Variants in IQCM observed in about 807,000 individuals in gnomAD.
IQCM encodes the protein IQ domain-containing protein M.
Under a neutral mutation model 57.6 loss-of-function variants are expected in IQCM, and 45 were observed. The ratio of observed to expected loss-of-function variants is 0.78; its 90% CI spans 0.62 to 1.00. IQCM has a LOEUF of 1.00. Among genes scored for constraint, IQCM ranks in the 50% least tolerant of loss-of-function variants. The pLI is 0.00. For missense variants in IQCM, 468 were observed against 511.6 expected (o/e 0.91, Z 0.82); for synonymous variants, 148 against 158.9 (o/e 0.93, Z 0.51).
At chr4:149,605,188 T>C (rs889129547) in intron 8 of IQCM, among the ~76,000 whole-genome samples, 3 of 152,188 alleles carry the variant, frequency 2.0e-5, no homozygotes, top group Non-Finnish European at 4.4e-5. Flanking sequence ...GCTTCTACAG[T>C]ACAGAAAGAA....
intron 13 of IQCM, among the ~76,000 whole-genome samples, chr4:149,371,642 C>T (rs1730376138): frequency 6.6e-6 from 1 of 152,122 alleles, no homozygotes; most frequent in Non-Finnish European, 1.5e-5. Flanking sequence ...TTAGTCAATA[C>T]CTCTTTATCA....
At chr4:149,460,060 C>T (rs1334045334) in intron 12 of IQCM, among the ~76,000 whole-genome samples, 1 of 152,128 alleles carries the variant, frequency 6.6e-6, no homozygotes, top group Non-Finnish European at 1.5e-5. Context: ...TCCAATTTCT[C>T]CACATCTTCA....
At chr4:149,667,882 G>T (rs1760877319) in intron 7 of IQCM, among the ~76,000 whole-genome samples, 1 of 151,730 alleles carries the variant, frequency 6.6e-6, no homozygotes, top group Non-Finnish European at 1.5e-5. Flanking sequence ...GATTAGAGAA[G>T]AATGAAAAGG....
In IQCM at chr4:149,707,768, T is replaced by C. The variant is rs1455329966; in HGVS notation, c.386-21300A>G. Among the ~76,000 whole-genome samples the C allele has an allele frequency of 1.3e-5, 2 of 152,034 alleles. 1 individual carries two copies. Among genetic ancestry groups the C allele is most frequent in the African/African-American group, 4.8e-5 (2 of 41,412 alleles). On this transcript the variant is annotated intron_variant, in intron 5 of 13. Coordinates refer to ENST00000636793, the MANE Select transcript of IQCM (RefSeq NM_001363507.2). ...GAGTCCTGACTGTGTCTTCTGCCTA[T>C]ACCCATGAAACTGGCAGCACTAACT... is the stretch of plus-strand genomic sequence containing the variant.
At chr4:149,467,689 A>C (rs1739005963) in intron 12 of IQCM, among the ~76,000 whole-genome samples, 1 of 152,230 alleles carries the variant, frequency 6.6e-6, no homozygotes, top group Admixed American at 6.5e-5. Flanking sequence ...ACAAGTGAAG[A>C]GCATAGCTAT....
chr4:149,783,475 C>G (rs1057444108), intron 2 of IQCM, among the ~76,000 whole-genome samples: 1 of 152,108 alleles, frequency 6.6e-6, no homozygotes, highest in African/African-American at 2.4e-5. Context: ...GTCTTGACCT[C>G]CCTACAGGAT....
intron 6 of IQCM, among the ~76,000 whole-genome samples, chr4:149,683,877 T>C (rs1332967549): frequency 6.6e-6 from 1 of 151,280 alleles, no homozygotes; most frequent in African/African-American, 2.4e-5. Flanking sequence ...TCTATCATTA[T>C]TTTATAATAT....
At chr4:149,673,317 C>T (rs1382073087) in intron 7 of IQCM, among the ~76,000 whole-genome samples, 1 of 152,094 alleles carries the variant, frequency 6.6e-6, no homozygotes, top group African/African-American at 2.4e-5. Context: ...AATTAAAAGA[C>T]ACAGACTGGC....
In IQCM at chr4:149,506,359, A is replaced by C. The variant is rs190682570; in HGVS notation, c.1228+42096T>G. Among the ~76,000 whole-genome samples, 266 of 152,348 alleles carry C rather than the reference A, an allele frequency of 1.7e-3. 1 individual carries two copies. The highest frequency in any genetic ancestry group is 6.3e-3 in the African/African-American group (261 of 41,582). ...TCCCTACAAGAATTTGGAAGAATAC[A>C]TGATAAAACTAAAAGCTGCTTGAAT... is the stretch of plus-strand genomic sequence containing the variant. On this transcript the variant is annotated intron_variant, in intron 12 of 13. Coordinates refer to ENST00000636793, the MANE Select transcript of IQCM (RefSeq NM_001363507.2).
At chr4:149,806,069 C>G (rs1460004746) in intron 2 of IQCM, among the ~76,000 whole-genome samples, 1 of 151,658 alleles carries the variant, frequency 6.6e-6, no homozygotes, top group Non-Finnish European at 1.5e-5. Context: ...CTATGATATT[C>G]TGCCAAATGA....
chr4:149,680,241 GCATATTCAA>G (rs1025727770), intron 7 of IQCM, among the ~76,000 whole-genome samples: 2 of 151,206 alleles, frequency 1.3e-5, no homozygotes, highest in African/African-American at 4.8e-5. Flanking sequence ...TACTTTTTCA[GCATATTCAA>G]CCTTCCAATT....
intron 12 of IQCM, among the ~76,000 whole-genome samples, chr4:149,548,179 C>A (rs1485029048): frequency 6.6e-6 from 1 of 152,094 alleles, no homozygotes; most frequent in Admixed American, 6.5e-5. Context: ...TCCAAAAATA[C>A]TTAAAAACTA....
At chr4:149,575,234 C>A (rs912605772) in intron 9 of IQCM, among the ~76,000 whole-genome samples, 1 of 151,796 alleles carries the variant, frequency 6.6e-6, no homozygotes, top group Non-Finnish European at 1.5e-5. Flanking sequence ...TACTTTAAAC[C>A]CCTAAATGAT....
At chr4:149,583,861 T>C (rs1029336340) in intron 9 of IQCM, among the ~76,000 whole-genome samples, 75 of 151,614 alleles carry the variant, frequency 4.9e-4, no homozygotes, top group African/African-American at 1.8e-3. Context: ...TAAACTGTTT[T>C]TGATATTTTA....
intron 7 of IQCM, among the ~76,000 whole-genome samples, chr4:149,660,276 A>G (rs1277467560): frequency 6.6e-6 from 1 of 152,144 alleles, no homozygotes; most frequent in Non-Finnish European, 1.5e-5. Context: ...TCAAAACCAC[A>G]ATGAGATACC....
At chr4:149,472,544 G>T (rs1739686196) in intron 12 of IQCM, among the ~76,000 whole-genome samples, 1 of 152,128 alleles carries the variant, frequency 6.6e-6, no homozygotes, top group Non-Finnish European at 1.5e-5. Context: ...TGGCCATACT[G>T]CCCAAGGTAA....
At chr4:149,675,146 C>T (rs184363567) in intron 7 of IQCM, among the ~76,000 whole-genome samples, 2 of 151,946 alleles carry the variant, frequency 1.3e-5, no homozygotes, top group African/African-American at 4.8e-5. Flanking sequence ...TGATATCTAT[C>T]CAAGATAAAT....
intron 7 of IQCM, chr4:149,665,991 A>C (rs1381647035): frequency 6.6e-6 from 1 of 152,176 alleles, no homozygotes; most frequent in Non-Finnish European, 1.5e-5. Flanking sequence ...GCCTTTGGCC[A>C]CAGACAGAAG....
intron 8 of IQCM, among the ~76,000 whole-genome samples, chr4:149,610,368 A>G (rs1755170315): frequency 2.0e-5 from 3 of 152,084 alleles, no homozygotes; most frequent in Admixed American, 1.3e-4. Flanking sequence ...CAGAAATAAA[A>G]AATAATCCTA....
Sources: gnomAD v4.1 joint callset for allele counts (sites outside exome capture counted in the v4.1 genomes callset) on GRCh38, gnomAD v4.1.1 for gene constraint, MANE v1.5 for transcripts, NCBI Gene and HGNC (gene_info 2026-07-23, HGNC 2026-07-21) for gene names.